The following NPC1 variants were observed in gnomAD, a reference collection of about 807,000 sequenced individuals.
NPC1 encodes NPC intracellular cholesterol transporter 1, also known as Niemann-Pick C1 protein.
In NPC1, 85 loss-of-function variants were observed where a neutral mutation model predicts 140.4. That is an observed-to-expected ratio of 0.61 (90% CI 0.51 to 0.72). NPC1 has a LOEUF of 0.72. NPC1 is among the 30% of genes least tolerant of loss of function. The pLI is 0.00. For synonymous variants in NPC1, 656 were observed against 624.8 expected (o/e 1.05, Z -0.74); for missense variants, 1,504 against 1,623.8 (o/e 0.93, Z 1.27).
intron 16 of NPC1, among the ~76,000 whole-genome samples, chr18:23,540,757 T>TG (rs1392763477): frequency 2.0e-5 from 3 of 152,198 alleles, no homozygotes; most frequent in African/African-American, 7.2e-5. Flanking sequence ...CTGAGTGACT[T>TG]GGGGCAAACC....
At chr18:23,533,997 G>A (rs2058584979) in intron 23 of NPC1, 1 of 317,602 alleles carries the variant, frequency 3.1e-6, no homozygotes. Context: ...ATTCTCAGGT[G>A]AAAACTTAAA....
At chr18:23,533,849 C>T (rs1310580190) in intron 23 of NPC1, 1 of 381,536 alleles carries the variant, frequency 2.6e-6, no homozygotes, top group Non-Finnish European at 5.0e-6. Context: ...GCAATGGGAA[C>T]TGAACCCAGG....
Position 23,539,283 on chromosome 18 carries a change from G to A in NPC1, c.2911+72C>T, listed in dbSNP as rs56003892. On this transcript the variant is annotated intron_variant, in intron 19 of 24. Transcript: ENST00000269228. Reference sequence around the variant, plus strand: ...AAATAGGTATAAACTGAGGCACGATGCAAATGATTTTTAAATGATAATTTG... The same window carrying A: ...AAATAGGTATAAACTGAGGCACGATACAAATGATTTTTAAATGATAATTTG... 17,006 of 1,032,132 alleles carry A rather than the reference G, an allele frequency of 0.016. 209 individuals are homozygous for A. The highest frequency in any genetic ancestry group is 0.02 in the Non-Finnish European group (13,131 of 661,192). The allele number at this position is 1,032,132 out of a possible 1,614,324, so 63.9% of individuals were successfully genotyped here. A position where few individuals can be genotyped will look rare whatever the true frequency, so the allele number is the denominator to read the frequency against.
chr18:23,540,380 T>G, intron 17 of NPC1, 68 bp downstream of exon 17: 1 of 1,038,898 alleles, frequency 9.6e-7, no homozygotes, highest in Non-Finnish European at 1.5e-6. Context: ...CCTACGTGCA[T>G]GTTTTGAAAA....
chr18:23,574,453 AAAC>A (rs1393973093), intron 1 of NPC1, among the ~76,000 whole-genome samples: 1 of 152,152 alleles, frequency 6.6e-6, no homozygotes, highest in African/African-American at 2.4e-5. Context: ...CATAAAAAAA[AAAC>A]AAATCTGAAC....
At chr18:23,565,798 C>CT (rs2059115822) in intron 4 of NPC1, among the ~76,000 whole-genome samples, 1 of 152,186 alleles carries the variant, frequency 6.6e-6, no homozygotes, top group African/African-American at 2.4e-5. Context: ...TGAATTTTCT[C>CT]TAAGTTCTCA....
At chr18:23,564,661 CTTT>C (rs1453243028) in intron 4 of NPC1, among the ~76,000 whole-genome samples, 5 of 152,142 alleles carry the variant, frequency 3.3e-5, no homozygotes, top group African/African-American at 9.7e-5. Context: ...GAAATACAAA[CTTT>C]TTTATTTTAA....
At chr18:23,517,296 C>T (rs998395362) in intron 3 of NPC1, among the ~76,000 whole-genome samples, 4 of 151,712 alleles carry the variant, frequency 2.6e-5, no homozygotes, top group East Asian at 1.9e-4. Flanking sequence ...ACTACAGGTG[C>T]GTGCCACCAT....
In NPC1 at chr18:23,531,772, A is replaced by AT; in HGVS notation, c.*429_*430insA. On this transcript the variant is annotated 3_prime_UTR_variant, in exon 25 of 25. Coordinates refer to ENST00000269228, the MANE Select transcript of NPC1 (RefSeq NM_000271.5). Reference sequence around the variant, plus strand: ...ATTTATTGCATTAATAAAGCTCTTTAAACTATAAAATGTTATAAAGTGTAT... The same window carrying AT: ...ATTTATTGCATTAATAAAGCTCTTTATAACTATAAAATGTTATAAAGTGTAT... 7 of 1,574,456 alleles carry AT rather than the reference A, an allele frequency of 4.4e-6. No individual in the cohort carries two copies. The African/African-American group carries it at 5.5e-5, about 12-fold the overall frequency.
intron 10 of NPC1, chr18:23,551,409 G>A: frequency 1.7e-6 from 1 of 580,540 alleles, no homozygotes; most frequent in South Asian, 1.9e-5. Context: ...GCTTCTCAAA[G>A]GCATGTGTGA....
At chr18:23,544,750 T>C (rs1249400686) in intron 12 of NPC1, among the ~76,000 whole-genome samples, 3 of 152,166 alleles carry the variant, frequency 2.0e-5, no homozygotes, top group Non-Finnish European at 4.4e-5. Flanking sequence ...AAGAAAAAAC[T>C]GGATTATGTG....
Position 23,543,572 on chromosome 18 carries a change from TAAAA to T in NPC1, c.2131-7_2131-4del, listed in dbSNP as rs11299077. On this transcript the variant is annotated splice_region_variant and splice_polypyrimidine_tract_variant and intron_variant, in intron 13 of 24. Transcript: ENST00000269228. ...TCCCCTTGAAGACGTTCATCTCTCT[TAAAA>T]AAAAAAAAAAAAAATTATGCGACAT... is the stretch of plus-strand genomic sequence containing the variant. The T allele has an allele frequency of 3.3e-4, 399 of 1,204,202 alleles. No individual in the cohort carries two copies. The highest frequency in any genetic ancestry group is 4.0e-4 in the Middle Eastern group (2 of 4,976). 74.6% of individuals were successfully genotyped at this position (1,204,202 alleles called of 1,614,324 possible).
At chr18:23,525,027 A>G (rs929722429), downstream of NPC1, among the ~76,000 whole-genome samples, 6 of 141,978 alleles carry the variant, frequency 4.2e-5, no homozygotes, top group Admixed American at 1.5e-4. Context: ...GCTCACTGCA[A>G]CCTCCGCCTC....
At chr18:23,530,649 C>A, downstream of NPC1, 1 of 1,589,546 alleles carries the variant, frequency 6.3e-7, no homozygotes. Context: ...GTAACCATAG[C>A]CTCAAAGAGT....
Position 23,532,039 on chromosome 18 carries a change from CTG to C in NPC1, c.*161_*162del. 1.3e-6 allele frequency: 2 copies of C among 1,559,820 alleles called. No individual in the cohort carries two copies. The highest frequency in any genetic ancestry group is 8.7e-7 in the Non-Finnish European group (1 of 1,154,564). On this transcript the variant is annotated 3_prime_UTR_variant, in exon 25 of 25. Coordinates refer to ENST00000269228, the MANE Select transcript of NPC1 (RefSeq NM_000271.5). ...CTAGTAATACTGCTTCCCAAGTCAA[CTG>C]TGCATTCCTGAGTTCACAGGCGCTA...
downstream of NPC1, among the ~76,000 whole-genome samples, chr18:23,527,171 C>A (rs976301862): frequency 2.8e-5 from 4 of 144,686 alleles, no homozygotes; most frequent in Non-Finnish European, 6.0e-5. Context: ...ATTGCCTGAG[C>A]CTAGGAGTTC....
At chr18:23,569,046 G>T in intron 3 of NPC1, 48 bp from the exon 4 acceptor site, 1 of 1,328,018 alleles carries the variant, frequency 7.5e-7, no homozygotes. Flanking sequence ...ACATAATAGG[G>T]CCAGCAAGAA....
intron 3 of NPC1, among the ~76,000 whole-genome samples, chr18:23,517,253 G>A (rs936203458): frequency 2.0e-5 from 3 of 151,754 alleles, no homozygotes; most frequent in Non-Finnish European, 2.9e-5. Flanking sequence ...AGGTTCAAGC[G>A]ATTCTCCTGC....
chr18:23,552,603 T>C (rs1174179422), intron 9 of NPC1, among the ~76,000 whole-genome samples: 1 of 152,156 alleles, frequency 6.6e-6, no homozygotes, highest in Non-Finnish European at 1.5e-5. Context: ...GTTAGCGCAA[T>C]GGCGCAGGCA....
Sources: gnomAD v4.1 joint callset for allele counts (sites outside exome capture counted in the v4.1 genomes callset) on GRCh38, gnomAD v4.1.1 for gene constraint, MANE v1.5 for transcripts, NCBI Gene and HGNC (gene_info 2026-07-23, HGNC 2026-07-21) for gene names.